The following OGDHL variants were observed in gnomAD, a reference collection of about 807,000 sequenced individuals.
OGDHL encodes 2-oxoglutarate dehydrogenase-like, mitochondrial.
Under a neutral mutation model 109.6 loss-of-function variants are expected in OGDHL, and 79 were observed. The observed-to-expected ratio is 0.72, with a 90% CI of 0.60 to 0.87. The LOEUF is 0.87. Among genes scored for constraint, OGDHL ranks in the 40% least tolerant of loss-of-function variants. The pLI, the probability that OGDHL is intolerant of heterozygous loss-of-function variation, is 0.00. For missense variants in OGDHL, 1,275 were observed against 1,362.2 expected (o/e 0.94, Z 1.01); for synonymous variants, 528 against 537.2 (o/e 0.98, Z 0.24).
rs368022237 is a variant in OGDHL at position 49,737,842 on chromosome 10, G to A, written c.2534C>T (p.Pro845Leu). The A allele has an allele frequency of 1.2e-6, 2 of 1,614,228 alleles. No homozygotes were observed. The highest frequency in any genetic ancestry group is 1.3e-5 in the African/African-American group (1 of 75,072). Residue 845 changes from proline (P) to leucine (L), a missense_variant, in exon 20 of 23, where the codon CCT (proline) becomes CTT (leucine). By Grantham distance (98) the Pro-to-Leu change is moderately conservative. Coordinates refer to ENST00000374103, the MANE Select transcript of OGDHL (RefSeq NM_018245.3). The part of the protein sequence containing the change: ...PFRKPLIIFT[P>L]KSLLRHPEAK... Reference sequence around the variant, plus strand: ...CTCTGGGTGCCTCAGCAGAGATTTAGGTGTGAAGATAATCAGCTGGAAGGG... The same window carrying A: ...CTCTGGGTGCCTCAGCAGAGATTTAAGTGTGAAGATAATCAGCTGGAAGGG...
rs200330254 is a variant in OGDHL, at chr10:49,745,298, C to G, written c.1629+46G>C. On this transcript the variant is annotated intron_variant, in intron 12 of 22. Coordinates refer to ENST00000374103, the MANE Select transcript of OGDHL (RefSeq NM_018245.3). Reference sequence around the variant, plus strand: ...ACATCTACAACCCCTCTCCAGGGTCCCCACCCAAAGTTTGTCTTGGGCGCC... The same window carrying G: ...ACATCTACAACCCCTCTCCAGGGTCGCCACCCAAAGTTTGTCTTGGGCGCC... The G allele has an allele frequency of 5.6e-6, 9 of 1,605,332 alleles. No individual in the cohort carries two copies. The African/African-American group carries it at 1.1e-4, about 19-fold the overall frequency.
chr10:49,742,092 CAA>C (rs1841741900), intron 15 of OGDHL, among the ~76,000 whole-genome samples: 3 of 137,942 alleles, frequency 2.2e-5, no homozygotes, highest in African/African-American at 2.8e-5. Context: ...ACATACCACA[CAA>C]ACACCCTCAC....
intron 6 of OGDHL, among the ~76,000 whole-genome samples, chr10:49,751,235 C>T (rs1425123692): frequency 1.3e-5 from 2 of 152,122 alleles, no homozygotes; most frequent in Non-Finnish European, 2.9e-5. Context: ...CACCCCTTCC[C>T]AGCTGCCGCC....
At chr10:49,759,500 T>C (rs1398266102) in intron 1 of OGDHL, among the ~76,000 whole-genome samples, 1 of 138,194 alleles carries the variant, frequency 7.2e-6, no homozygotes, top group Non-Finnish European at 1.6e-5. Flanking sequence ...GGGCTTTCTC[T>C]ATTCCGCAGA....
In OGDHL at chr10:49,752,236, A is replaced by C; in HGVS notation, c.491T>G (p.Leu164Arg). The C allele has an allele frequency of 7.4e-6, 12 of 1,613,716 alleles. No individual in the cohort carries two copies. The highest frequency in any genetic ancestry group is 1.0e-5 in the Non-Finnish European group (12 of 1,179,836). Residue 164 changes from leucine to arginine, a missense_variant, in exon 5 of 23, where the codon CTT becomes CGT. Leu to Arg is a moderately radical substitution (Grantham distance 102). Transcript: ENST00000374103. Reference protein sequence around the residue: ...TTIDKLAFYDLQEADLDKEFQ... With the variant: ...TTIDKLAFYDRQEADLDKEFQ... ...CTCCTTATCAAGGTCAGCCTCCTGA[A>C]GGTCATAGAAGGCTGGAGAAGGAGG...
At chr10:49,757,015 G>A in intron 2 of OGDHL, 69 bp from the exon 3 acceptor site, 2 of 1,523,892 alleles carry the variant, frequency 1.3e-6, no homozygotes, top group East Asian at 4.6e-5. Context: ...GCCCAGGCTG[G>A]GGCCCCAAGG....
At chr10:49,746,651 G>C in intron 10 of OGDHL, 99 bp downstream of exon 10, 1 of 1,482,288 alleles carries the variant, frequency 6.7e-7, no homozygotes. Flanking sequence ...CACAGCAGTG[G>C]GCTCAGAGCC....
chr10:49,755,008 C>G (rs2083255), intron 3 of OGDHL, among the ~76,000 whole-genome samples: 37,710 of 152,072 alleles, frequency 0.25, 5,580 homozygotes, highest in African/African-American at 0.41. Context: ...CTTTGGGAGG[C>G]CAAGGCGGGC....
At chr10:49,751,010 G>A (rs181584185) in intron 6 of OGDHL, 25 bp from the exon 7 acceptor site, 1 of 1,562,434 alleles carries the variant, frequency 6.4e-7, no homozygotes, top group Non-Finnish European at 8.7e-7. Context: ...GATGGGAAGA[G>A]GAAAGGGAAA....
chr10:49,746,745 C>T lies in OGDHL; in HGVS notation c.1296+5G>A, dbSNP rs746415675. The T allele has an allele frequency of 6.2e-6, 10 of 1,613,954 alleles. No individual in the cohort carries two copies. In the Admixed American group the frequency reaches 6.7e-5, roughly 11 times the overall value. ...TGAGGCCCAGCGTGGAGCCTACATGCTCACCTGGTTGTTGACGACGACGTG... is the reference window on the plus strand; with the variant it reads ...TGAGGCCCAGCGTGGAGCCTACATGTTCACCTGGTTGTTGACGACGACGTG... On this transcript the variant is annotated splice_donor_5th_base_variant and intron_variant, in intron 10 of 22. Coordinates refer to ENST00000374103, the MANE Select transcript of OGDHL (RefSeq NM_018245.3).
chr10:49,736,327 C>T lies in OGDHL; in HGVS notation c.2754+30G>A, dbSNP rs748810605. ...GGGCCAGCGACGTGAGCTTGCCCATCACTTGACTGTACAAGGGGTTCAGGC... is the reference window on the plus strand; with the variant it reads ...GGGCCAGCGACGTGAGCTTGCCCATTACTTGACTGTACAAGGGGTTCAGGC... On this transcript the variant is annotated intron_variant, in intron 21 of 22. Coordinates refer to ENST00000374103, the MANE Select transcript of OGDHL (RefSeq NM_018245.3). The T allele has an allele frequency of 9.3e-6, 15 of 1,613,104 alleles. No individual in the cohort carries two copies. In the East Asian group the frequency reaches 3.1e-4, roughly 34 times the overall value.
At chr10:49,761,799 C>T (rs968518505) in intron 1 of OGDHL, among the ~76,000 whole-genome samples, 2 of 152,208 alleles carry the variant, frequency 1.3e-5, no homozygotes, top group African/African-American at 4.8e-5. Context: ...TCGGAGACCG[C>T]GGTTAAAACC....
chr10:49,743,014 A>C (rs1841904507), intron 14 of OGDHL, 36 bp from the exon 15 acceptor site: 1 of 1,605,340 alleles, frequency 6.2e-7, no homozygotes, highest in Non-Finnish European at 8.5e-7. Context: ...GGGCCAAGGG[A>C]CAGCCAGCCC....
chr10:49,742,698 G>T, intron 15 of OGDHL, 130 bp downstream of exon 15: 2 of 1,233,022 alleles, frequency 1.6e-6, no homozygotes, highest in Non-Finnish European at 2.2e-6. Context: ...ATCTGATGAT[G>T]CCACCTGAGG....
rs766989935 is a variant in OGDHL, at chr10:49,745,984, AG to A, written c.1297-8del. The A allele has an allele frequency of 6.2e-7, 1 of 1,613,050 alleles. No individual in the cohort carries two copies. ...GGTCTGTGGTGAATCCAATCTGCAGAGGCAGGAGAAACCTGCTGCGCCTCTC... is the reference window on the plus strand; with the variant it reads ...GGTCTGTGGTGAATCCAATCTGCAGAGCAGGAGAAACCTGCTGCGCCTCTC... On this transcript the variant is annotated splice_polypyrimidine_tract_variant and splice_region_variant and intron_variant, in intron 10 of 22. Coordinates refer to ENST00000374103, the MANE Select transcript of OGDHL (RefSeq NM_018245.3).
Position 49,758,526 on chromosome 10 carries a change from C to A in OGDHL, c.67G>T (p.Asp23Tyr), listed in dbSNP as rs1211843261. ...VQAARLLAAH[D>Y]VPVFGWRSRS... ...CTGCGCCAGCCAAACACCGGGACGT[C>A]ATGTGCAGCCAGGAGCCTCGCAGCC... The change falls in exon 2 of 23, where the codon GAC becomes TAC. Residue 23 changes from aspartate (D) to tyrosine (Y), a missense_variant. Transcript: ENST00000374103. The A allele has an allele frequency of 1.9e-6, 3 of 1,613,912 alleles. No individual in the cohort carries two copies. The highest frequency in any genetic ancestry group is 2.5e-6 in the Non-Finnish European group (3 of 1,180,040).
chr10:49,736,303 G>A, intron 21 of OGDHL, 54 bp downstream of exon 21: 2 of 1,605,220 alleles, frequency 1.2e-6, no homozygotes, highest in Non-Finnish European at 1.7e-6. Context: ...CCAGAGCCGG[G>A]GCCAGCGACG....
chr10:49,736,930 C>A (rs1264126932), intron 20 of OGDHL, among the ~76,000 whole-genome samples: 2 of 152,174 alleles, frequency 1.3e-5, no homozygotes, highest in East Asian at 3.8e-4. Flanking sequence ...CTGCTGCATG[C>A]TCCTCCTCTT....
chr10:49,744,132 A>G lies in OGDHL; in HGVS notation c.1733-10T>C. The G allele has an allele frequency of 6.2e-7, 1 of 1,613,258 alleles. No individual in the cohort carries two copies. Among genetic ancestry groups the G allele is most frequent in the Non-Finnish European group, 8.5e-7 (1 of 1,179,736 alleles). On this transcript the variant is annotated splice_polypyrimidine_tract_variant and intron_variant, in intron 13 of 22. Coordinates refer to ENST00000374103, the MANE Select transcript of OGDHL (RefSeq NM_018245.3). ...TCTACGTTGAAGAAGCCTGAGAGGG[A>G]GAGAGGCTCTGTCCACACTGTGTCA...
Sources: gnomAD v4.1 joint callset for allele counts (sites outside exome capture counted in the v4.1 genomes callset) on GRCh38, gnomAD v4.1.1 for gene constraint, MANE v1.5 for transcripts, NCBI Gene and HGNC (gene_info 2026-07-23, HGNC 2026-07-21) for gene names.